ADGRG6: variants seen among roughly 807,000 people sequenced by gnomAD.
The protein encoded by ADGRG6 is G-protein coupled receptor 126.
ADGRG6 carries 84 observed loss-of-function variants against 142.4 expected under a neutral mutation model. The ratio of observed to expected loss-of-function variants is 0.59; its 90% CI spans 0.49 to 0.71. The LOEUF is 0.71. Ranked by LOEUF, ADGRG6 falls within the 30% of genes least tolerant of loss-of-function variation. The pLI is 0.00. For missense variants in ADGRG6, 1,367 were observed against 1,466.6 expected (o/e 0.93, Z 1.11); for synonymous variants, 521 against 520.5 (o/e 1.00, Z -0.01).
Position 142,338,027 on chromosome 6 carries a change from T to TTTTTTTTTTTTTTTTTTTTG in ADGRG6, c.103+28394_103+28395insTTTTTTTTGTTTTTTTTTTT, listed in dbSNP as rs892007926. On this transcript the variant is annotated intron_variant, in intron 2 of 24. Transcript: ENST00000367609. Reference sequence around the variant, plus strand: ...ATGCCTTGTATCTTTGTTTTTTTTTTTTTTTTTTTTTGAGACGGAGTCTCG... The same window carrying TTTTTTTTTTTTTTTTTTTTG: ...ATGCCTTGTATCTTTGTTTTTTTTTTTTTTTTTTTTTTTTTTTTTGTTTTTTTTTTTGAGACGGAGTCTCG... 2.1e-4 allele frequency among the ~76,000 whole-genome samples: 12 copies of TTTTTTTTTTTTTTTTTTTTG among 58,016 alleles called. 2 individuals are homozygous for TTTTTTTTTTTTTTTTTTTTG. Among genetic ancestry groups the TTTTTTTTTTTTTTTTTTTTG allele is most frequent in the Non-Finnish European group, 3.1e-4 (9 of 29,190 alleles). The allele number at this position is 58,016 out of a possible 152,430, so 38.1% of individuals were successfully genotyped here. A position where few individuals can be genotyped will look rare whatever the true frequency, so the allele number is the denominator to read the frequency against.
At position 142,419,855 on chromosome 6, in the gene ADGRG6, AC is replaced by A; in HGVS notation, c.3072del (p.Cys1025ValfsTer11). 6.2e-7 allele frequency: 1 copy of A among 1,612,074 alleles called. No homozygotes were observed. The highest frequency in any genetic ancestry group is 8.5e-7 in the Non-Finnish European group (1 of 1,178,752). On this transcript the variant is annotated frameshift_variant, in exon 22 of 25. Coordinates refer to ENST00000367609, the MANE Select transcript of ADGRG6 (RefSeq NM_198569.3). LOFTEE classifies it high-confidence loss of function. The stretch of plus-strand genomic sequence containing the variant: ...TCAAGATCCAGTCATATTTTATGTG[AC>A]CTGTGCTGGGTATTTTGGAGTCATG... ...WIQDPVIFYVTCAGYFGVMFF... is the reference protein window; with the variant it reads ...WIQDPVIFYVXCAGYFGVMFF...
chr6:142,367,194 C>T (rs1359873850), intron 2 of ADGRG6, among the ~76,000 whole-genome samples: 2 of 152,128 alleles, frequency 1.3e-5, no homozygotes, highest in African/African-American at 4.8e-5. Context: ...GATTCTTAAC[C>T]TGGGTCAGTG....
chr6:142,311,056 G>A (rs1157372480), intron 2 of ADGRG6, among the ~76,000 whole-genome samples: 12 of 151,804 alleles, frequency 7.9e-5, no homozygotes. Flanking sequence ...ATGAATATAT[G>A]CACATTCTTG....
intron 2 of ADGRG6, among the ~76,000 whole-genome samples, chr6:142,345,382 A>G (rs893314001): frequency 4.6e-5 from 7 of 152,048 alleles, no homozygotes; most frequent in African/African-American, 1.7e-4. Flanking sequence ...AACATTGTCT[A>G]CATGATGAAA....
intron 2 of ADGRG6, among the ~76,000 whole-genome samples, chr6:142,345,337 G>T (rs1321441961): frequency 6.6e-6 from 1 of 152,000 alleles, no homozygotes; most frequent in Non-Finnish European, 1.5e-5. Context: ...CATAGTCAAG[G>T]CTGTTCTGCT....
At chr6:142,328,078 G>A (rs1024473402) in intron 2 of ADGRG6, among the ~76,000 whole-genome samples, 4 of 152,120 alleles carry the variant, frequency 2.6e-5, no homozygotes, top group African/African-American at 7.2e-5. Context: ...ACAGAACGCA[G>A]TTCTTCAGAC....
chr6:142,432,151 C>T (rs1442570231), intron 22 of ADGRG6, among the ~76,000 whole-genome samples: 2 of 152,138 alleles, frequency 1.3e-5, no homozygotes, highest in Admixed American at 6.6e-5. Flanking sequence ...GGCTCTCTGG[C>T]TTCATTTCTA....
chr6:142,411,615 CT>C (rs1776093035), intron 18 of ADGRG6, among the ~76,000 whole-genome samples: 1 of 152,086 alleles, frequency 6.6e-6, no homozygotes, highest in African/African-American at 2.4e-5. Context: ...TAGAAAAGAA[CT>C]TTCTCCCTTT....
At position 142,442,751 on chromosome 6, in the gene ADGRG6, T is replaced by C. The variant is rs550778952; in HGVS notation, c.3575-586T>C. ...AAACCTTGGGAAAATACGTTCAAAG[T>C]AGCATTTCATATTTATTTTCATTTG... On this transcript the variant is annotated intron_variant, in intron 24 of 24. Transcript: ENST00000367609. 2.1e-3 allele frequency among the ~76,000 whole-genome samples: 320 copies of C among 152,198 alleles called. 1 individual carries two copies. The highest frequency in any genetic ancestry group is 3.9e-3 in the Non-Finnish European group (266 of 67,982).
At position 142,419,859 on chromosome 6, in the gene ADGRG6, G is replaced by C. The variant is rs779127355; in HGVS notation, c.3074G>C (p.Cys1025Ser). 3.5e-5 allele frequency: 57 copies of C among 1,612,586 alleles called. No homozygotes were observed. Among genetic ancestry groups the C allele is most frequent in the Non-Finnish European group, 4.7e-5 (55 of 1,178,918 alleles). The change falls in exon 22 of 25, where the codon TGT becomes TCT. Residue 1025 changes from cysteine (C) to serine (S), a missense_variant. By Grantham distance (112) the Cys-to-Ser change is moderately radical. This residue lies in a region of ADGRG6 where 344 missense variants were observed against 348.7 expected (regional missense o/e 0.99). Coordinates refer to ENST00000367609, the MANE Select transcript of ADGRG6 (RefSeq NM_198569.3). ...GATCCAGTCATATTTTATGTGACCT[G>C]TGCTGGGTATTTTGGAGTCATGTTT... The part of the protein sequence containing the change: ...IQDPVIFYVT[C>S]AGYFGVMFFL...
At position 142,426,446 on chromosome 6, in the gene ADGRG6, G is replaced by A. The variant is rs188166400; in HGVS notation, c.3319+6342G>A. ...CTGGGTCACACTGATGCAAGAGGTG[G>A]GTTCCCATGGTCTTGGGCAGCTCCA... On this transcript the variant is annotated intron_variant, in intron 22 of 24. Transcript: ENST00000367609. Among the ~76,000 whole-genome samples, 35 of 152,308 alleles carry A rather than the reference G, an allele frequency of 2.3e-4. No individual in the cohort carries two copies. The East Asian group carries it at 6.8e-3, about 29-fold the overall frequency.
At position 142,397,755 on chromosome 6, in the gene ADGRG6, G is replaced by A. The variant is rs2114999881; in HGVS notation, c.1567G>A (p.Gly523Ser). Residue 523 changes from glycine to serine, a missense_variant and splice_region_variant, in exon 10 of 25, where the codon GGT (glycine) becomes AGT (serine). Transcript: ENST00000367609. ...ACATACAGTGAATGTGAGACAACTG[G>A]GTAAGTGACTAATTTTTTTATAATA... ...RLHTVNVRQL[G>S]HCLAMEEPKG... The A allele has an allele frequency of 1.3e-6, 2 of 1,538,284 alleles. No individual in the cohort carries two copies. The highest frequency in any genetic ancestry group is 1.7e-6 in the Non-Finnish European group (2 of 1,148,156).
chr6:142,431,391 A>G (rs1777200770), intron 22 of ADGRG6, among the ~76,000 whole-genome samples: 1 of 152,202 alleles, frequency 6.6e-6, no homozygotes, highest in African/African-American at 2.4e-5. Flanking sequence ...CTTTTGTGAT[A>G]CATGAAGGTT....
intron 2 of ADGRG6, among the ~76,000 whole-genome samples, chr6:142,351,215 G>C (rs180910401): frequency 1.2e-3 from 190 of 152,284 alleles, no homozygotes; most frequent in African/African-American, 4.5e-3. Context: ...CTGGGCAACA[G>C]AGTGAGACTT....
Position 142,309,643 on chromosome 6 carries a change from A to C in ADGRG6, c.102A>C (p.Ser34=). Residue 34 remains serine, a splice_region_variant and synonymous_variant, in exon 2 of 25, where the codon TCA becomes TCC. Transcript: ENST00000367609. ...FALYIMCVPH[S]VWGCANCRVV... ...TATATATCATGTGTGTTCCTCACTCAGGTAAGACTCTTCCTCTTTCACACC... is the reference window on the plus strand; with the variant it reads ...TATATATCATGTGTGTTCCTCACTCCGGTAAGACTCTTCCTCTTTCACACC... 4 of 1,569,772 alleles carry C rather than the reference A, an allele frequency of 2.5e-6. No individual in the cohort carries two copies. The South Asian group carries it at 4.6e-5, about 18-fold the overall frequency.
intron 2 of ADGRG6, among the ~76,000 whole-genome samples, chr6:142,352,081 A>C (rs1780210778): frequency 6.6e-6 from 1 of 152,166 alleles, no homozygotes; most frequent in Non-Finnish European, 1.5e-5. Flanking sequence ...CTTAAAACAG[A>C]ACTACCATTG....
At chr6:142,426,139 C>T (rs887854382) in intron 22 of ADGRG6, among the ~76,000 whole-genome samples, 1 of 152,138 alleles carries the variant, frequency 6.6e-6, no homozygotes, top group Non-Finnish European at 1.5e-5. Flanking sequence ...CCCAACAGTC[C>T]CCCAAAGTCT....
rs1777907181 is a variant in ADGRG6, at chr6:142,444,881, G to A, written c.*1366G>A. 6.6e-6 allele frequency: 1 copy of A among 152,162 alleles called. No homozygotes were observed. Among genetic ancestry groups the A allele is most frequent in the Admixed American group, 6.6e-5 (1 of 15,260 alleles). 9.4% of individuals were successfully genotyped at this position (152,162 alleles called of 1,614,324 possible). A position where few individuals can be genotyped will look rare whatever the true frequency, so the allele number is the denominator to read the frequency against. Reference sequence around the variant, plus strand: ...TTTCACATTTGCTCTGGGTTATCTGGGAAGTATCAGGTTCTGGGAGGCAAC... The same window carrying A: ...TTTCACATTTGCTCTGGGTTATCTGAGAAGTATCAGGTTCTGGGAGGCAAC... On this transcript the variant is annotated 3_prime_UTR_variant, in exon 25 of 25. Transcript: ENST00000367609.
At chr6:142,352,494 C>A (rs375289280) in intron 2 of ADGRG6, among the ~76,000 whole-genome samples, 19 of 152,128 alleles carry the variant, frequency 1.2e-4, no homozygotes, top group African/African-American at 4.6e-4. Context: ...GGGTGTGGGT[C>A]CAGAGGCTGC....
Sources: allele counts gnomAD v4.1 joint callset (sites outside exome capture counted in the v4.1 genomes callset), GRCh38; gene constraint gnomAD v4.1.1; regional missense constraint gnomAD v4.1.1; transcripts MANE v1.5; gene names NCBI Gene and HGNC (gene_info 2026-07-23, HGNC 2026-07-21).